ZNF444: variants seen among roughly 807,000 people sequenced by gnomAD.
ZNF444 encodes the protein endothelial zinc finger protein 2.
A neutral mutation model predicts 14.4 loss-of-function variants in ZNF444; 8 were observed. The observed-to-expected ratio is 0.56, with a 90% CI of 0.33 to 1.00. The LOEUF is 1.00. ZNF444 is among the 50% of genes least tolerant of loss of function. ZNF444 has a pLI of 0.03. For synonymous variants in ZNF444, 258 were observed against 235.9 expected (o/e 1.09, Z -0.86); for missense variants, 510 against 504.8 (o/e 1.01, Z -0.10).
intron 4 of ZNF444, among the ~76,000 whole-genome samples, chr19:56,159,205 C>T (rs1178627918): frequency 1.3e-5 from 2 of 151,762 alleles, no homozygotes; most frequent in African/African-American, 4.8e-5. Context: ...ATCATCTACC[C>T]ATCCATCACC....
At chr19:56,153,975 C>A (rs1568559650) in intron 3 of ZNF444, among the ~76,000 whole-genome samples, 1 of 152,166 alleles carries the variant, frequency 6.6e-6, no homozygotes, top group Non-Finnish European at 1.5e-5. Context: ...ATAGTGCAAA[C>A]CTTCAGCAAG....
Position 56,147,306 on chromosome 19 carries a change from C to A in ZNF444, c.297+98C>A. On this transcript the variant is annotated intron_variant, in intron 3 of 4. Transcript: ENST00000337080. This position sits in a 1 kb window ranked among gnomAD's most constrained non-coding sequence, Gnocchi z 5.9. ...AGGAGCACCACTGAACCCCTGAAAA[C>A]CAGTGTGACTCGCGGTGGGGAGGCT... The A allele has an allele frequency of 7.6e-7, 1 of 1,315,882 alleles. No individual in the cohort carries two copies. Among genetic ancestry groups the A allele is most frequent in the Non-Finnish European group, 9.8e-7 (1 of 1,018,622 alleles). The allele number at this position is 1,315,882 out of a possible 1,614,324, so 81.5% of individuals were successfully genotyped here.
In ZNF444 at chr19:56,145,148, A is replaced by T. The variant is rs2031092299; in HGVS notation, c.-196-1099A>T. The stretch of plus-strand genomic sequence containing the variant: ...CAGCTCAGAGACCACCATTTCTCAA[A>T]TGCTTTGAAGTCAGGACTCCTTTCT... On this transcript the variant is annotated intron_variant, in intron 1 of 4. Transcript: ENST00000337080. The surrounding 1 kb of genome is among the most constrained non-coding windows in gnomAD (Gnocchi z 4.3). 1.3e-5 allele frequency among the ~76,000 whole-genome samples: 2 copies of T among 152,250 alleles called. No individual in the cohort carries two copies. The highest frequency in any genetic ancestry group is 2.9e-5 in the Non-Finnish European group (2 of 68,042).
At chr19:56,159,285 G>A (rs971042965) in intron 4 of ZNF444, among the ~76,000 whole-genome samples, 7 of 149,928 alleles carry the variant, frequency 4.7e-5, no homozygotes, top group African/African-American at 1.2e-4. Flanking sequence ...ATCCACCCAC[G>A]CATTCTTCAT....
chr19:56,154,074 A>G (rs1241571178), intron 3 of ZNF444, among the ~76,000 whole-genome samples: 1 of 152,238 alleles, frequency 6.6e-6, no homozygotes, highest in African/African-American at 2.4e-5. Context: ...AACCGTTGAG[A>G]ACACCGTGTT....
intron 1 of ZNF444, among the ~76,000 whole-genome samples, chr19:56,136,184 T>C (rs551417560): frequency 2.0e-5 from 3 of 151,210 alleles, no homozygotes; most frequent in Non-Finnish European, 4.4e-5. Flanking sequence ...TCTCTGAGTG[T>C]GTTATGACCT....
chr19:56,159,877 G>T lies in ZNF444; in HGVS notation c.660G>T (p.Glu220Asp). 6.5e-7 allele frequency: 1 copy of T among 1,530,606 alleles called. No homozygotes were observed. Among genetic ancestry groups the T allele is most frequent in the Non-Finnish European group, 8.7e-7 (1 of 1,144,250 alleles). 94.8% of individuals were successfully genotyped at this position (1,530,606 alleles called of 1,614,324 possible). ...PECGKAFRRKEHLRRHRDTHP... is the reference protein window; with the variant it reads ...PECGKAFRRKDHLRRHRDTHP... ...GCGGGAAGGCCTTTCGGCGCAAGGAGCACCTGCGGCGCCACCGCGACACGC... is the reference window on the plus strand; with the variant it reads ...GCGGGAAGGCCTTTCGGCGCAAGGATCACCTGCGGCGCCACCGCGACACGC... The change falls in exon 5 of 5, where the codon GAG becomes GAT. Residue 220 changes from glutamate (E) to aspartate (D), a missense_variant. By Grantham distance (45) the Glu-to-Asp change is conservative. Transcript: ENST00000337080.
In ZNF444 at chr19:56,147,780, C is replaced by T. The variant is rs994064404; in HGVS notation, c.297+572C>T. ...GGGCAGGCAGACCCTCCTTATCATG[C>T]GTGAGGCTCCAAGGGCTCAGAGATG... On this transcript the variant is annotated intron_variant, in intron 3 of 4. Coordinates refer to ENST00000337080, the MANE Select transcript of ZNF444 (RefSeq NM_018337.4). The surrounding 1 kb of genome is among the most constrained non-coding windows in gnomAD (Gnocchi z 5.9). 6.6e-6 allele frequency among the ~76,000 whole-genome samples: 1 copy of T among 152,096 alleles called. No homozygotes were observed. The highest frequency in any genetic ancestry group is 2.4e-5 in the African/African-American group (1 of 41,404).
rs2031014587 is a variant in ZNF444 at position 56,144,131 on chromosome 19, AG to A, written c.-196-2115del. 6.6e-6 allele frequency among the ~76,000 whole-genome samples: 1 copy of A among 152,132 alleles called. No individual in the cohort carries two copies. The highest frequency in any genetic ancestry group is 1.5e-5 in the Non-Finnish European group (1 of 68,040). On this transcript the variant is annotated intron_variant, in intron 1 of 4. Coordinates refer to ENST00000337080, the MANE Select transcript of ZNF444 (RefSeq NM_018337.4). This position sits in a 1 kb window ranked among gnomAD's most constrained non-coding sequence, Gnocchi z 4.0. ...TGAGACCAGCCTGGGCAATATAGTG[AG>A]ACCCTGTCTCTACAAAAAATATAAA... is the stretch of plus-strand genomic sequence containing the variant.
intron 3 of ZNF444, chr19:56,150,134 A>C (rs1179223015): frequency 5.9e-6 from 1 of 170,436 alleles, no homozygotes; most frequent in Non-Finnish European, 1.3e-5. Context: ...ATGACTCCTC[A>C]GAACAGGACC....
chr19:56,134,455 G>A (rs2030566287), intron 1 of ZNF444, among the ~76,000 whole-genome samples: 1 of 152,162 alleles, frequency 6.6e-6, no homozygotes. Flanking sequence ...CGCTCAGCAT[G>A]AGGTGGGCGG....
chr19:56,152,354 G>A (rs945434069), intron 3 of ZNF444, among the ~76,000 whole-genome samples: 2 of 150,638 alleles, frequency 1.3e-5, no homozygotes, highest in African/African-American at 4.9e-5. Context: ...AAAAAATACC[G>A]TTGCCGGGAT....
intron 3 of ZNF444, chr19:56,156,590 C>T (rs1436061873): frequency 6.6e-6 from 1 of 152,150 alleles, no homozygotes; most frequent in Non-Finnish European, 1.5e-5. Context: ...GTTTTTAAGG[C>T]CTGCCTTGTG....
intron 1 of ZNF444, among the ~76,000 whole-genome samples, chr19:56,132,935 CTTTT>C (rs61365745): frequency 1.8e-3 from 169 of 94,288 alleles, no homozygotes; most frequent in Middle Eastern, 0.013. Context: ...TTCTTTCTTT[CTTTT>C]TTTTTTTTTT....
Sources: gnomAD v4.1 joint callset for allele counts (sites outside exome capture counted in the v4.1 genomes callset) on GRCh38, gnomAD v4.1.1 for gene constraint, Gnocchi (gnomAD v3.1) non-coding constraint, MANE v1.5 for transcripts, NCBI Gene and HGNC (gene_info 2026-07-23, HGNC 2026-07-21) for gene names.